Variants in SYNE2 observed in about 807,000 individuals in gnomAD.
The protein encoded by SYNE2 is nesprin-2.
In SYNE2, 431 loss-of-function variants were observed where a neutral mutation model predicts 856.3. The ratio of observed to expected loss-of-function variants is 0.50; its 90% CI spans 0.47 to 0.55. The LOEUF (loss-of-function observed/expected upper bound fraction) is 0.55, where lower values mean the gene tolerates loss of function less well. Ranked by LOEUF, SYNE2 falls within the 20% of genes least tolerant of loss-of-function variation. SYNE2 has a pLI of 0.00. For missense variants in SYNE2, 8,129 were observed against 8,023.2 expected (o/e 1.01, Z -0.50); for synonymous variants, 2,923 against 2,872.3 (o/e 1.02, Z -0.56).
intron 99 of SYNE2, among the ~76,000 whole-genome samples, chr14:64,193,323 G>A (rs2098526473): frequency 6.6e-6 from 1 of 152,232 alleles, no homozygotes; most frequent in Non-Finnish European, 1.5e-5. Context: ...GCTGAAGCCA[G>A]TGGATCACCT....
intron 51 of SYNE2, among the ~76,000 whole-genome samples, chr14:64,070,133 T>C (rs186858972): frequency 8.5e-5 from 13 of 152,354 alleles, no homozygotes; most frequent in Admixed American, 2.6e-4. Flanking sequence ...CCACTATTGA[T>C]AAATACTTCA....
At position 64,214,475 on chromosome 14, in the gene SYNE2, C is replaced by G; in HGVS notation, c.19333+5C>G. ...CATACTACAGCGCACTGTCAGGTAA[C>G]AGCTGGGTTCCCAGCACCCTGGAAA... On this transcript the variant is annotated splice_donor_5th_base_variant and intron_variant, in intron 106 of 115. Transcript: ENST00000555002. The G allele has an allele frequency of 1.9e-6, 3 of 1,608,430 alleles. No homozygotes were observed. Among genetic ancestry groups the G allele is most frequent in the Non-Finnish European group, 8.5e-7 (1 of 1,178,540 alleles).
Position 64,170,280 on chromosome 14 carries a change from G to A in SYNE2, c.17053G>A (p.Val5685Ile). The A allele has an allele frequency of 1.9e-6, 3 of 1,614,150 alleles. No individual in the cohort carries two copies. The highest frequency in any genetic ancestry group is 2.5e-6 in the Non-Finnish European group (3 of 1,180,046). ...GCTGACGGATCGGTGGCAGAATGCT[G>A]TCCAGGGTGTTCGGCAGAGGAAGGG... ...SKLTDRWQNA[V>I]QGVRQRKGDV... The change falls in exon 94 of 116, where the codon GTC becomes ATC. Residue 5685 changes from valine (V) to isoleucine (I), a missense_variant. Coordinates refer to ENST00000555002, the MANE Select transcript of SYNE2 (RefSeq NM_182914.3).
At chr14:64,056,673 CTTTT>C (rs34164335) in intron 49 of SYNE2, among the ~76,000 whole-genome samples, 1 of 145,132 alleles carries the variant, frequency 6.9e-6, no homozygotes. Context: ...TTTTGTTGTA[CTTTT>C]TTTTTTTTTT....
intron 60 of SYNE2, among the ~76,000 whole-genome samples, chr14:64,091,773 G>A (rs1014420016): frequency 1.3e-5 from 2 of 152,190 alleles, no homozygotes; most frequent in Non-Finnish European, 2.9e-5. Context: ...ACAGAAAGTT[G>A]CAGAAAGTCT....
At chr14:64,223,135 A>G in intron 112 of SYNE2, 54 bp from the exon 113 acceptor site, 1 of 1,604,270 alleles carries the variant, frequency 6.2e-7, no homozygotes, top group Admixed American at 1.7e-5. Flanking sequence ...TCCTGTGTCC[A>G]CACTCGCTTC....
Position 63,855,835 on chromosome 14 carries a change from C to T in SYNE2, c.-52+2692C>T, listed in dbSNP as rs558309463. ...CTTCAGAATCTGGAACGGTAACTGG[C>T]GTATAGCAGGTCCTCAATAACTTGA... On this transcript the variant is annotated intron_variant, in intron 1 of 115. Coordinates refer to ENST00000555002, the MANE Select transcript of SYNE2 (RefSeq NM_182914.3). Among the ~76,000 whole-genome samples the T allele has an allele frequency of 3.3e-5, 5 of 152,202 alleles. No individual in the cohort carries two copies. The East Asian group carries it at 9.6e-4, about 29-fold the overall frequency.
intron 58 of SYNE2, among the ~76,000 whole-genome samples, chr14:64,088,382 G>A (rs2097580035): frequency 6.6e-6 from 1 of 152,140 alleles, no homozygotes; most frequent in Non-Finnish European, 1.5e-5. Context: ...AAAGAATCCC[G>A]ATAAAATAAG....
In SYNE2 at chr14:63,892,633, T is replaced by C. The variant is rs1426154821; in HGVS notation, c.-51-16465T>C. On this transcript the variant is annotated intron_variant, in intron 1 of 115. Coordinates refer to ENST00000555002, the MANE Select transcript of SYNE2 (RefSeq NM_182914.3). Reference sequence around the variant, plus strand: ...AGGAATTGCAACTTCTTTTTTGTATTCTGTGACTCATGAAGACCCGAGGTT... The same window carrying C: ...AGGAATTGCAACTTCTTTTTTGTATCCTGTGACTCATGAAGACCCGAGGTT... Among the ~76,000 whole-genome samples, 3 of 152,144 alleles carry C rather than the reference T, an allele frequency of 2.0e-5. No individual in the cohort carries two copies. The East Asian group carries it at 5.8e-4, about 29-fold the overall frequency.
At chr14:64,186,310 C>T in intron 96 of SYNE2, 114 bp from the exon 97 acceptor site, 3 of 1,399,672 alleles carry the variant, frequency 2.1e-6, no homozygotes, top group Non-Finnish European at 3.0e-6. Flanking sequence ...AGGTCCCTCC[C>T]TCTCTCCTGG....
Position 64,027,506 on chromosome 14 carries a change from G to A in SYNE2, c.6427G>A (p.Glu2143Lys). 1.3e-6 allele frequency: 2 copies of A among 1,598,120 alleles called. No homozygotes were observed. Among genetic ancestry groups the A allele is most frequent in the Non-Finnish European group, 8.5e-7 (1 of 1,173,880 alleles). Residue 2143 changes from glutamate (E) to lysine (K), a missense_variant, in exon 43 of 116, where the codon GAA (glutamate) becomes AAA (lysine). Glu to Lys is a moderately conservative substitution (Grantham distance 56). Coordinates refer to ENST00000555002, the MANE Select transcript of SYNE2 (RefSeq NM_182914.3). ...TAGCCATCAAGAAAAGCTTCTACTAGAAGGAGAGAAATATTTACAAAGTAA... is the reference window on the plus strand; with the variant it reads ...TAGCCATCAAGAAAAGCTTCTACTAAAAGGAGAGAAATATTTACAAAGTAA... ...YLSHQEKLLL[E>K]GEKYLQSKED...
intron 7 of SYNE2, 91 bp from the exon 8 acceptor site, chr14:63,954,628 T>C: frequency 8.2e-7 from 1 of 1,212,890 alleles, no homozygotes; most frequent in Non-Finnish European, 1.2e-6. Context: ...TTTACTTGAT[T>C]TGCCAAATTT....
intron 96 of SYNE2, among the ~76,000 whole-genome samples, chr14:64,181,470 C>T (rs1436281437): frequency 6.6e-6 from 1 of 152,184 alleles, no homozygotes; most frequent in East Asian, 1.9e-4. Flanking sequence ...TCAAGTATCA[C>T]ACTTCTCAGT....
chr14:64,190,714 C>G (rs1456224747), intron 99 of SYNE2: 2 of 672,730 alleles, frequency 3.0e-6, no homozygotes. Flanking sequence ...AGTGTGTGGG[C>G]TCAGAGTGCC....
chr14:63,957,355 A>G (rs976533198), intron 8 of SYNE2, among the ~76,000 whole-genome samples: 4 of 141,678 alleles, frequency 2.8e-5, no homozygotes, highest in South Asian at 2.2e-4. Flanking sequence ...CGCAGCTTCC[A>G]TCTCCTTGGT....
chr14:63,986,608 A>G lies in SYNE2; in HGVS notation c.2304A>G (p.Glu768=), dbSNP rs915252427. 1.9e-6 allele frequency: 3 copies of G among 1,614,026 alleles called. No individual in the cohort carries two copies. In the African/African-American group the frequency reaches 4.0e-5, roughly 22 times the overall value. Residue 768 remains glutamate, a synonymous_variant, in exon 19 of 116, where the codon GAA becomes GAG. Coordinates refer to ENST00000555002, the MANE Select transcript of SYNE2 (RefSeq NM_182914.3). ...DQDDVDTSME[E]SLKHLIAKGS... ...ATGATGTGGACACCTCAATGGAAGA[A>G]TCTTTGAAGGTATGTGTGTAAAAGT...
In SYNE2 at chr14:64,020,017, A is replaced by G. The variant is rs1156632795; in HGVS notation, c.5075A>G (p.Lys1692Arg). 1.2e-6 allele frequency: 2 copies of G among 1,613,640 alleles called. No individual in the cohort carries two copies. Among genetic ancestry groups the G allele is most frequent in the African/African-American group, 2.7e-5 (2 of 74,938 alleles). ...GAAGAATTACAAGTCCATGAACAAA[A>G]AACTTCAGAATTTTCTAGAAGAGTG... ...LKEELQVHEQ[K>R]TSEFSRRVAE... Residue 1692 changes from lysine to arginine, a missense_variant, in exon 35 of 116, where the codon AAA becomes AGA. This residue lies in a region of SYNE2 where 2,422 missense variants were observed against 2,357.4 expected (regional missense o/e 1.03). Transcript: ENST00000555002.
intron 55 of SYNE2, 97 bp from the exon 56 acceptor site, chr14:64,080,359 G>A (rs2097510398): frequency 6.6e-6 from 8 of 1,203,136 alleles, no homozygotes; most frequent in Non-Finnish European, 9.8e-6. Context: ...TGATGTTTTA[G>A]TAGCATTTAT....
chr14:64,142,217 G>A, intron 82 of SYNE2, 129 bp downstream of exon 82: 2 of 1,092,374 alleles, frequency 1.8e-6, no homozygotes, highest in Non-Finnish European at 2.7e-6. Flanking sequence ...AAACTGGGGT[G>A]GTGGATGATT....
Sources: allele counts gnomAD v4.1 joint callset (sites outside exome capture counted in the v4.1 genomes callset), GRCh38; gene constraint gnomAD v4.1.1; regional missense constraint gnomAD v4.1.1; transcripts MANE v1.5; gene names NCBI Gene and HGNC (gene_info 2026-07-23, HGNC 2026-07-21).